The following LINGO3 variants were observed in gnomAD, a reference collection of about 807,000 sequenced individuals.
LINGO3 encodes the protein leucine-rich repeat and immunoglobulin-like domain-containing nogo receptor-interacting protein 3.
For synonymous variants in LINGO3, 427 were observed against 444.2 expected, an observed-to-expected ratio of 0.96 and a Z score of 0.49; for missense variants, 750 against 867.7, an observed-to-expected ratio of 0.86 and a Z score of 1.70.
exon 1 of LINGO3, chr19:2,291,706 C>G: frequency 3.7e-6 from 5 of 1,339,710 alleles, no homozygotes; most frequent in Non-Finnish European, 4.8e-6. Context: ...GGCCGGGCAG[C>G]CTCCAGCCGG....
chr19:2,289,164 G>A (rs1156795617), downstream of LINGO3, among the ~76,000 whole-genome samples: 5 of 151,430 alleles, frequency 3.3e-5, no homozygotes, highest in Non-Finnish European at 7.4e-5. Context: ...TGTGTCCCGG[G>A]TGTGAGCTCT....
the LINGO3 span, among the ~76,000 whole-genome samples, chr19:2,300,108 C>G: frequency 1.3e-5 from 2 of 148,848 alleles, no homozygotes; most frequent in African/African-American, 2.5e-5. Context: ...CTCTGCTCAC[C>G]GCAGCCTTCG....
the LINGO3 span, among the ~76,000 whole-genome samples, chr19:2,307,306 T>C: frequency 6.6e-6 from 1 of 152,182 alleles, no homozygotes; most frequent in African/African-American, 2.4e-5. Flanking sequence ...CCGGCACCGT[T>C]AGCGCCCCAA....
At chr19:2,291,890 G>C (rs375703311) in exon 1 of LINGO3, 3 of 916,188 alleles carry the variant, frequency 3.3e-6, no homozygotes, top group African/African-American at 3.4e-5. Flanking sequence ...TCTGCCGCCA[G>C]CCCGCCCCTA....
chr19:2,289,837 G>A (rs924142913), exon 1 of LINGO3: 23 of 598,394 alleles, frequency 3.8e-5, no homozygotes, highest in Non-Finnish European at 5.8e-5. Context: ...GACGCATGCT[G>A]ATGAAAAACA....
chr19:2,299,646 G>C, the LINGO3 span, among the ~76,000 whole-genome samples: 1 of 145,542 alleles, frequency 6.9e-6, no homozygotes, highest in East Asian at 2.0e-4. Flanking sequence ...GGATGGTCTC[G>C]ATCTCCTGAC....
At chr19:2,303,540 C>T in the LINGO3 span, among the ~76,000 whole-genome samples, 51 of 152,238 alleles carry the variant, frequency 3.4e-4, no homozygotes, top group African/African-American at 1.0e-3. Context: ...CAAAACCACA[C>T]GGGGCACTGA....
chr19:2,292,753 G>A (rs548757725), upstream of LINGO3, among the ~76,000 whole-genome samples: 4 of 152,120 alleles, frequency 2.6e-5, no homozygotes, highest in Non-Finnish European at 4.4e-5. Flanking sequence ...GCCTCCCAAA[G>A]TGCTGGGATT....
At chr19:2,288,352 G>A (rs1034294197), downstream of LINGO3, among the ~76,000 whole-genome samples, 1 of 152,192 alleles carries the variant, frequency 6.6e-6, no homozygotes, top group Admixed American at 6.5e-5. This position sits in a 1 kb window ranked among gnomAD's most constrained non-coding sequence, Gnocchi z 6.5. Context: ...CGGGATCCCC[G>A]GGAACCCCCT....
At chr19:2,302,112 A>C in the LINGO3 span, among the ~76,000 whole-genome samples, 1 of 118,228 alleles carries the variant, frequency 8.5e-6, no homozygotes, top group Admixed American at 1.1e-4. Flanking sequence ...TCCAGGCTGG[A>C]GTGCAATGGT....
chr19:2,289,111 C>T (rs1249680740), downstream of LINGO3, among the ~76,000 whole-genome samples: 2 of 144,394 alleles, frequency 1.4e-5, no homozygotes, highest in Admixed American at 1.4e-4. Flanking sequence ...TGTGAGCTGT[C>T]CTTGTATCAG....
the LINGO3 span, among the ~76,000 whole-genome samples, chr19:2,301,128 C>A: frequency 6.6e-6 from 1 of 152,086 alleles, no homozygotes; most frequent in Non-Finnish European, 1.5e-5. Context: ...AGGCTGTGCA[C>A]GTTGAAATCC....
At chr19:2,291,287 A>G (rs1306627760) in exon 1 of LINGO3, 2 of 1,612,592 alleles carry the variant, frequency 1.2e-6, no homozygotes, top group East Asian at 4.5e-5. Flanking sequence ...CGCGAGACGA[A>G]TACCAGGTCG....
upstream of LINGO3, among the ~76,000 whole-genome samples, chr19:2,293,057 C>A (rs577742302): frequency 2.5e-4 from 36 of 142,258 alleles, no homozygotes; most frequent in African/African-American, 9.5e-4. Flanking sequence ...CACTGTATGA[C>A]CCCGTTTCTT....
exon 1 of LINGO3, chr19:2,291,063 C>T (rs1375060423): frequency 1.2e-6 from 2 of 1,610,070 alleles, no homozygotes; most frequent in African/African-American, 1.3e-5. Context: ...TGCCCGCCGC[C>T]ACCTCCTCCA....
the LINGO3 span, among the ~76,000 whole-genome samples, chr19:2,299,666 C>T: frequency 0.043 from 6,431 of 148,686 alleles, 479 homozygotes; most frequent in African/African-American, 0.15. Context: ...CCTGGTGATC[C>T]GCCCGCCTCT....
the LINGO3 span, among the ~76,000 whole-genome samples, chr19:2,297,945 T>C: frequency 6.6e-6 from 1 of 151,834 alleles, no homozygotes. Flanking sequence ...TCGCCCAGTC[T>C]GGAATGGCAG....
At chr19:2,292,052 G>T (rs2025530225), upstream of LINGO3, 3 of 437,684 alleles carry the variant, frequency 6.9e-6, no homozygotes, top group South Asian at 5.6e-5. Flanking sequence ...GCCGCATGTG[G>T]TGGTGTAGGC....
exon 1 of LINGO3, chr19:2,291,044 C>A (rs770170184): frequency 6.8e-6 from 11 of 1,610,572 alleles, no homozygotes; most frequent in Admixed American, 1.7e-5. Context: ...AGGTTCAGGC[C>A]CCGCAGGCTG....
Sources: gnomAD v4.1 joint callset for allele counts (sites outside exome capture counted in the v4.1 genomes callset) on GRCh38, gnomAD v4.1.1 for gene constraint, Gnocchi (gnomAD v3.1) non-coding constraint, MANE v1.5 for transcripts, NCBI Gene and HGNC (gene_info 2026-07-23, HGNC 2026-07-21) for gene names.